RCC1: variants seen among roughly 807,000 people sequenced by gnomAD.
RCC1 encodes the protein regulator of chromosome condensation 1.
RCC1 carries 11 observed loss-of-function variants against 44.4 expected under a neutral mutation model. That is an observed-to-expected ratio of 0.25 (90% CI 0.16 to 0.41). The LOEUF is 0.41. RCC1 is among the 10% of genes least tolerant of loss of function. The pLI is 1.00. For synonymous variants in RCC1, 213 were observed against 216.5 expected (o/e 0.98, Z 0.14); for missense variants, 386 against 547.1 (o/e 0.71, Z 2.94).
chr1:28,529,508 T>A (rs879289188), intron 4 of RCC1, among the ~76,000 whole-genome samples: 2 of 152,062 alleles, frequency 1.3e-5, no homozygotes, highest in Non-Finnish European at 2.9e-5. Flanking sequence ...CTGCTTGTTT[T>A]ACTTGGCAAT....
At chr1:28,511,396 G>GT (rs1289599808) in intron 3 of RCC1, among the ~76,000 whole-genome samples, 12 of 131,846 alleles carry the variant, frequency 9.1e-5, no homozygotes, top group East Asian at 2.0e-4. Flanking sequence ...CCAATTTTTT[G>GT]TTTTTTGTTT....
intron 4 of RCC1, among the ~76,000 whole-genome samples, chr1:28,521,020 A>G (rs1337673764): frequency 1.3e-5 from 2 of 151,828 alleles, no homozygotes; most frequent in East Asian, 1.9e-4. Flanking sequence ...CGGAGGTTGC[A>G]GTGAGCTGAG....
intron 5 of RCC1, chr1:28,530,612 C>G (rs1291414583): frequency 6.2e-7 from 1 of 1,602,044 alleles, no homozygotes. Flanking sequence ...GAAAACCCGA[C>G]CAGGTGGCTC....
intron 3 of RCC1, chr1:28,511,011 C>T (rs117740728): frequency 6.6e-6 from 1 of 152,286 alleles, no homozygotes; most frequent in East Asian, 1.9e-4. Flanking sequence ...GCAAAGCTGT[C>T]AGTAGGTGTT....
intron 3 of RCC1, among the ~76,000 whole-genome samples, chr1:28,515,344 G>A (rs1662830595): frequency 6.6e-6 from 1 of 151,966 alleles, no homozygotes; most frequent in Non-Finnish European, 1.5e-5. Flanking sequence ...CAGCTACTCG[G>A]GAGGCTGAGG....
At chr1:28,510,582 G>C (rs761333537) in intron 3 of RCC1, 1 of 152,188 alleles carries the variant, frequency 6.6e-6, no homozygotes, top group African/African-American at 2.4e-5. Context: ...CCAGCCTGGT[G>C]ACAGAGTTAA....
chr1:28,508,814 ATTTCT>A lies in RCC1; in HGVS notation c.-228-7_-228-3del, dbSNP rs771830871. On this transcript the variant is annotated splice_polypyrimidine_tract_variant and intron_variant, in intron 2 of 12. Coordinates refer to ENST00000683442, the MANE Select transcript of RCC1 (RefSeq NM_001381865.2). Reference sequence around the variant, plus strand: ...TAGGATCTTCAGGAGTCTAATCATTATTTCTTTTCTTTTAGGAGAGAAGACGATCT... The same window carrying A: ...TAGGATCTTCAGGAGTCTAATCATTATTTCTTTTAGGAGAGAAGACGATCT... 7.7e-6 allele frequency: 4 copies of A among 517,288 alleles called. No individual in the cohort carries two copies. The highest frequency in any genetic ancestry group is 2.0e-5 in the Admixed American group (1 of 51,274). The allele number at this position is 517,288 out of a possible 1,614,324, so 32.0% of individuals were successfully genotyped here.
intron 7 of RCC1, 77 bp downstream of exon 7, chr1:28,532,427 C>T: frequency 2.0e-6 from 3 of 1,471,620 alleles, no homozygotes; most frequent in African/African-American, 1.4e-5. Context: ...TAATCCACTT[C>T]CATGCCCCCA....
rs145520116 is a variant in RCC1 at position 28,535,884 on chromosome 1, C to T, written c.675C>T (p.Val225=). The T allele has an allele frequency of 2.2e-4, 357 of 1,613,310 alleles. 2 individuals are homozygous for T. Among genetic ancestry groups the T allele is most frequent in the South Asian group, 9.2e-4 (84 of 91,004 alleles). ...CTTTGCCTGCAGAACGACTCCTGGT[C>T]CCCAAGTGTGTGATGCTGAAATCCA... ...GGRQGLERLL[V]PKCVMLKSRG... is the part of the protein sequence containing the mutation. The change falls in exon 10 of 13, where the codon GTC becomes GTT. Residue 225 remains valine, a synonymous_variant. Transcript: ENST00000683442.
At chr1:28,527,590 C>A (rs1349552338) in intron 4 of RCC1, among the ~76,000 whole-genome samples, 1 of 152,142 alleles carries the variant, frequency 6.6e-6, no homozygotes, top group Non-Finnish European at 1.5e-5. Flanking sequence ...TCTTCTCCCC[C>A]TCTGATTATA....
At chr1:28,512,168 CAG>C (rs1315636527) in intron 3 of RCC1, among the ~76,000 whole-genome samples, 2 of 149,822 alleles carry the variant, frequency 1.3e-5, no homozygotes, top group Non-Finnish European at 3.0e-5. Context: ...TCAGTAGAGA[CAG>C]GGTTTCGCCA....
At chr1:28,512,664 AAC>A (rs968586842) in intron 3 of RCC1, among the ~76,000 whole-genome samples, 42 of 152,294 alleles carry the variant, frequency 2.8e-4, no homozygotes, top group African/African-American at 7.0e-4. Context: ...TACTGTTAAC[AAC>A]ACACAAATTC....
At chr1:28,509,199 C>A in intron 3 of RCC1, 1 of 290,550 alleles carries the variant, frequency 3.4e-6, no homozygotes, top group Non-Finnish European at 6.7e-6. Context: ...AATGCACATT[C>A]TTTCACCTCA....
At chr1:28,531,689 ACAGT>A (rs1237074328) in intron 5 of RCC1, 110 bp from the exon 6 acceptor site, 2 of 789,962 alleles carry the variant, frequency 2.5e-6, no homozygotes, top group African/African-American at 3.5e-5. Flanking sequence ...GTTCATACTA[ACAGT>A]CTGTGGCAGA....
In RCC1 at chr1:28,536,101, T is replaced by G. The variant is rs1052400385; in HGVS notation, c.817+75T>G. 6.5e-7 allele frequency: 1 copy of G among 1,549,636 alleles called. No homozygotes were observed. The highest frequency in any genetic ancestry group is 1.4e-5 in the African/African-American group (1 of 73,110). The stretch of plus-strand genomic sequence containing the variant: ...TCCTGGCTCTGCCACTCATTCATTG[T>G]GCATCCTTTGCGGGGTCGTCTAACC... On this transcript the variant is annotated intron_variant, in intron 10 of 12. Transcript: ENST00000683442. This position sits in a 1 kb window ranked among gnomAD's most constrained non-coding sequence, Gnocchi z 4.9.
intron 1 of RCC1, chr1:28,507,598 G>GTT: frequency 4.6e-6 from 2 of 433,612 alleles, no homozygotes; most frequent in Non-Finnish European, 8.8e-6. Flanking sequence ...CTGGATTGAA[G>GTT]TCTTTTTTTT....
At chr1:28,508,016 C>T (rs1375681917) in intron 1 of RCC1, 112 bp from the exon 2 acceptor site, 2 of 346,534 alleles carry the variant, frequency 5.8e-6, no homozygotes, top group Non-Finnish European at 1.2e-5. Flanking sequence ...GACCTATACT[C>T]AAACCTATAC....
At chr1:28,512,019 G>C (rs1043034346) in intron 3 of RCC1, among the ~76,000 whole-genome samples, 2 of 145,494 alleles carry the variant, frequency 1.4e-5, no homozygotes, top group Admixed American at 7.1e-5. Context: ...TTGCCTCCCA[G>C]GCTGGAGTGC....
chr1:28,512,527 TCTTTG>T (rs1424155495), intron 3 of RCC1, among the ~76,000 whole-genome samples: 2 of 152,146 alleles, frequency 1.3e-5, no homozygotes, highest in Non-Finnish European at 2.9e-5. Context: ...TTTATTATTT[TCTTTG>T]CTTATTTTGG....
Sources: gnomAD v4.1 joint callset for allele counts (sites outside exome capture counted in the v4.1 genomes callset) on GRCh38, gnomAD v4.1.1 for gene constraint, Gnocchi (gnomAD v3.1) non-coding constraint, MANE v1.5 for transcripts, NCBI Gene and HGNC (gene_info 2026-07-23, HGNC 2026-07-21) for gene names.